The following XKR4 variants were observed in gnomAD, a reference collection of about 807,000 sequenced individuals.
XKR4 encodes the protein XK-related protein 4.
In XKR4, 12 loss-of-function variants were observed where a neutral mutation model predicts 53.9. That is an observed-to-expected ratio of 0.22 (90% CI 0.14 to 0.36). The LOEUF (loss-of-function observed/expected upper bound fraction) is 0.36, where lower values mean the gene tolerates loss of function less well. XKR4 is among the 10% of genes least tolerant of loss of function. The pLI is 1.00. For missense variants in XKR4, 799 were observed against 859.5 expected (o/e 0.93, Z 0.88); for synonymous variants, 354 against 362.4 (o/e 0.98, Z 0.26).
Position 55,530,930 on chromosome 8 carries a change from G to C in XKR4, c.*6703G>C, listed in dbSNP as rs914425251. The C allele has an allele frequency of 2.6e-5, 4 of 152,084 alleles. No individual in the cohort carries two copies. Among genetic ancestry groups the C allele is most frequent in the African/African-American group, 9.7e-5 (4 of 41,400 alleles). The allele number at this position is 152,084 out of a possible 1,614,324, so 9.4% of individuals were successfully genotyped here. A position where few individuals can be genotyped will look rare whatever the true frequency, so the allele number is the denominator to read the frequency against. On this transcript the variant is annotated 3_prime_UTR_variant, in exon 3 of 3. Transcript: ENST00000327381. ...AACTCATTTGGCTAGGCAATGCACA[G>C]TCAAGCACAAAAGGAAAGTTGCACT... is the stretch of plus-strand genomic sequence containing the variant.
intron 2 of XKR4, among the ~76,000 whole-genome samples, chr8:55,443,551 A>C (rs1355185108): frequency 7.0e-6 from 1 of 143,856 alleles, no homozygotes; most frequent in Non-Finnish European, 1.5e-5. Context: ...AAAAAAAAAA[A>C]AAAAACAGAA....
At chr8:55,112,739 A>C (rs533645204) in intron 1 of XKR4, among the ~76,000 whole-genome samples, 3 of 152,034 alleles carry the variant, frequency 2.0e-5, no homozygotes, top group Admixed American at 2.0e-4. Flanking sequence ...TTAGTGAGGC[A>C]AGGAAAGGAT....
At chr8:55,173,138 G>A (rs7833502) in intron 1 of XKR4, among the ~76,000 whole-genome samples, 10 of 152,158 alleles carry the variant, frequency 6.6e-5, no homozygotes, top group South Asian at 2.1e-4. Flanking sequence ...TCCTGCCCCC[G>A]ATCTCCCACA....
rs755186647 is a variant in XKR4 at position 55,540,315 on chromosome 8, T to C, written c.*16088T>C. 3.9e-5 allele frequency: 6 copies of C among 152,244 alleles called. No individual in the cohort carries two copies. Among genetic ancestry groups the C allele is most frequent in the Non-Finnish European group, 7.3e-5 (5 of 68,038 alleles). The allele number at this position is 152,244 out of a possible 1,614,324, so 9.4% of individuals were successfully genotyped here. A position where few individuals can be genotyped will look rare whatever the true frequency, so the allele number is the denominator to read the frequency against. ...ATAGAAAACATATGGAAATTCTCTT[T>C]TGATCAAAAGGAGTGTCTCCCAATT... On this transcript the variant is annotated 3_prime_UTR_variant, in exon 3 of 3. Coordinates refer to ENST00000327381, the MANE Select transcript of XKR4 (RefSeq NM_052898.2).
intron 1 of XKR4, among the ~76,000 whole-genome samples, chr8:55,144,183 C>T (rs901887299): frequency 2.0e-5 from 3 of 152,144 alleles, no homozygotes; most frequent in Non-Finnish European, 2.9e-5. Flanking sequence ...TATTATTTAA[C>T]AGGAGTTTCA....
rs1457006016 is a variant in XKR4 at position 55,527,979 on chromosome 8, T to C, written c.*3752T>C. Reference sequence around the variant, plus strand: ...GTTTGTGTACATACATATATGTATATATACGTACCTATATATGTATGTACA... The same window carrying C: ...GTTTGTGTACATACATATATGTATACATACGTACCTATATATGTATGTACA... On this transcript the variant is annotated 3_prime_UTR_variant, in exon 3 of 3. Coordinates refer to ENST00000327381, the MANE Select transcript of XKR4 (RefSeq NM_052898.2). The C allele has an allele frequency of 1.3e-5, 2 of 152,108 alleles. No individual in the cohort carries two copies. Among genetic ancestry groups the C allele is most frequent in the African/African-American group, 4.8e-5 (2 of 41,364 alleles). The allele number at this position is 152,108 out of a possible 1,614,324, so 9.4% of individuals were successfully genotyped here.
At chr8:55,158,908 T>C (rs1482012927) in intron 1 of XKR4, among the ~76,000 whole-genome samples, 3 of 152,228 alleles carry the variant, frequency 2.0e-5, no homozygotes, top group African/African-American at 7.2e-5. Flanking sequence ...CGAAGTCAGG[T>C]AATGTGATGT....
At chr8:55,305,056 G>A (rs936748819) in intron 1 of XKR4, among the ~76,000 whole-genome samples, 1 of 152,078 alleles carries the variant, frequency 6.6e-6, no homozygotes, top group African/African-American at 2.4e-5. Context: ...GGGAGAGAGA[G>A]GCACCCAGAT....
At chr8:55,417,600 G>T (rs1042210083) in intron 2 of XKR4, among the ~76,000 whole-genome samples, 1 of 152,182 alleles carries the variant, frequency 6.6e-6, no homozygotes, top group African/African-American at 2.4e-5. Flanking sequence ...TGTAGCTGTA[G>T]GGTATTATCA....
intron 1 of XKR4, among the ~76,000 whole-genome samples, chr8:55,128,906 T>C (rs1007261067): frequency 9.9e-5 from 15 of 151,510 alleles, no homozygotes; most frequent in African/African-American, 3.7e-4. Context: ...AGGAGGTGGA[T>C]TGAGGATTGG....
At chr8:55,242,643 C>A (rs1183814245) in intron 1 of XKR4, among the ~76,000 whole-genome samples, 1 of 152,152 alleles carries the variant, frequency 6.6e-6, no homozygotes, top group African/African-American at 2.4e-5. Context: ...AAAAAATAAG[C>A]ACTCAGAAGG....
At position 55,534,151 on chromosome 8, in the gene XKR4, A is replaced by T. The variant is rs904229196; in HGVS notation, c.*9924A>T. The stretch of plus-strand genomic sequence containing the variant: ...TTGAGACTACCATTGTCAGCATTGT[A>T]ATAACCAATTTATAAAAATTGAGTT... On this transcript the variant is annotated 3_prime_UTR_variant, in exon 3 of 3. Coordinates refer to ENST00000327381, the MANE Select transcript of XKR4 (RefSeq NM_052898.2). 9 of 152,074 alleles carry T rather than the reference A, an allele frequency of 5.9e-5. No individual in the cohort carries two copies. Among genetic ancestry groups the T allele is most frequent in the African/African-American group, 2.2e-4 (9 of 41,408 alleles). 9.4% of individuals were successfully genotyped at this position (152,074 alleles called of 1,614,324 possible).
chr8:55,339,585 G>T (rs1473919710), intron 1 of XKR4, among the ~76,000 whole-genome samples: 1 of 152,128 alleles, frequency 6.6e-6, no homozygotes, highest in Non-Finnish European at 1.5e-5. Context: ...GTTTGAATCT[G>T]GGTGACATGG....
At chr8:55,202,926 G>C (rs1260088893) in intron 1 of XKR4, among the ~76,000 whole-genome samples, 2 of 152,184 alleles carry the variant, frequency 1.3e-5, no homozygotes, top group Non-Finnish European at 2.9e-5. Context: ...TGACCTTTAG[G>C]GAGAGCCTGT....
chr8:55,342,204 C>G (rs955933265), intron 1 of XKR4, among the ~76,000 whole-genome samples: 1 of 152,052 alleles, frequency 6.6e-6, no homozygotes, highest in Non-Finnish European at 1.5e-5. Flanking sequence ...CTCTCACACC[C>G]CATGTCTTCC....
intron 2 of XKR4, among the ~76,000 whole-genome samples, chr8:55,365,598 T>C (rs929962674): frequency 6.6e-6 from 1 of 150,912 alleles, no homozygotes; most frequent in Non-Finnish European, 1.5e-5. Context: ...TCCCAGCTAC[T>C]TGGGAGGCTG....
At chr8:55,510,000 C>T (rs1246296669) in intron 2 of XKR4, among the ~76,000 whole-genome samples, 1 of 152,186 alleles carries the variant, frequency 6.6e-6, no homozygotes, top group Non-Finnish European at 1.5e-5. Context: ...TCTCTCTCCC[C>T]TACTCCCAGC....
chr8:55,164,919 T>A (rs922662), intron 1 of XKR4, among the ~76,000 whole-genome samples: 4,741 of 152,136 alleles, frequency 0.031, 246 homozygotes, highest in African/African-American at 0.11. Context: ...TCACCCTCCC[T>A]CTCCCCATGT....
chr8:55,352,509 A>G (rs893626313), intron 1 of XKR4, among the ~76,000 whole-genome samples: 1 of 152,256 alleles, frequency 6.6e-6, no homozygotes, highest in Non-Finnish European at 1.5e-5. Context: ...TGGGTGATGG[A>G]AATTGGATTC....
Sources: allele counts gnomAD v4.1 joint callset (sites outside exome capture counted in the v4.1 genomes callset), GRCh38; gene constraint gnomAD v4.1.1; transcripts MANE v1.5; gene names NCBI Gene and HGNC (gene_info 2026-07-23, HGNC 2026-07-21).